Variants in PLA2G4A observed in about 807,000 individuals in gnomAD.
The protein encoded by PLA2G4A is phospholipase A2 group IVA.
PLA2G4A carries 40 observed loss-of-function variants against 81.9 expected under a neutral mutation model. The observed-to-expected ratio is 0.49, with a 90% confidence interval of 0.38 to 0.64. PLA2G4A has a LOEUF of 0.64. Among genes scored for constraint, PLA2G4A ranks in the 30% least tolerant of loss-of-function variants. The pLI, the probability that PLA2G4A is intolerant of heterozygous loss-of-function variation, is 0.00. For missense variants in PLA2G4A, 715 were observed against 905.1 expected, an observed-to-expected ratio of 0.79 and a Z score of 2.69; for synonymous variants, 302 against 296.9, an observed-to-expected ratio of 1.02 and a Z score of -0.18.
chr1:186,883,807 A>C (rs1653829724), intron 3 of PLA2G4A, among the ~76,000 whole-genome samples: 1 of 152,178 alleles, frequency 6.6e-6, no homozygotes, highest in African/African-American at 2.4e-5. Context: ...CATTGAAGTT[A>C]GGTTCGAGAG....
At chr1:186,870,281 G>A (rs755369225) in intron 2 of PLA2G4A, among the ~76,000 whole-genome samples, 154 bp from the exon 3 acceptor site, 40 of 152,318 alleles carry the variant, frequency 2.6e-4, no homozygotes, top group Middle Eastern at 3.4e-3. Context: ...TGATGAGAGA[G>A]AAGAGAGTCA....
intron 7 of PLA2G4A, among the ~76,000 whole-genome samples, chr1:186,929,304 C>A (rs536015929): frequency 2.0e-5 from 3 of 152,176 alleles, no homozygotes; most frequent in Non-Finnish European, 2.9e-5. Flanking sequence ...CAATGACTTC[C>A]TTTTGAGAGT....
chr1:186,946,518 G>A, intron 10 of PLA2G4A, 119 bp from the exon 11 acceptor site: 1 of 808,656 alleles, frequency 1.2e-6, no homozygotes, highest in Non-Finnish European at 2.1e-6. Flanking sequence ...TTTTCATTTT[G>A]ATATTTTAAA....
intron 3 of PLA2G4A, among the ~76,000 whole-genome samples, chr1:186,872,515 C>A (rs934619439): frequency 2.0e-5 from 3 of 151,934 alleles, no homozygotes; most frequent in African/African-American, 2.4e-5. Context: ...GCAATCCCCC[C>A]ACCCCTTTTT....
At chr1:186,875,337 G>A (rs1275119547) in intron 3 of PLA2G4A, among the ~76,000 whole-genome samples, 1 of 151,850 alleles carries the variant, frequency 6.6e-6, no homozygotes, top group East Asian at 1.9e-4. Context: ...CTTATAAAAG[G>A]ATGCTTAATT....
intron 12 of PLA2G4A, among the ~76,000 whole-genome samples, chr1:186,948,610 C>T (rs1656425516): frequency 6.6e-6 from 1 of 151,940 alleles, no homozygotes; most frequent in Admixed American, 6.6e-5. Context: ...CCAGGGTTTG[C>T]TGTTTTTTCT....
intron 1 of PLA2G4A, among the ~76,000 whole-genome samples, chr1:186,853,546 A>T (rs546808066): frequency 6.6e-6 from 1 of 151,950 alleles, no homozygotes; most frequent in Non-Finnish European, 1.5e-5. Flanking sequence ...AAGATATTTG[A>T]AAAGGTATTC....
chr1:186,844,320 A>C (rs530533058), intron 1 of PLA2G4A, among the ~76,000 whole-genome samples: 8 of 152,320 alleles, frequency 5.3e-5, no homozygotes, highest in African/African-American at 1.9e-4. Flanking sequence ...TTAGTTTACA[A>C]AAAAAGCACC....
intron 2 of PLA2G4A, among the ~76,000 whole-genome samples, chr1:186,858,189 T>C (rs1489787976): frequency 6.6e-6 from 1 of 152,176 alleles, no homozygotes; most frequent in African/African-American, 2.4e-5. Context: ...CACACTGTCT[T>C]CCACAATGGT....
chr1:186,978,731 C>G (rs1657617894), intron 16 of PLA2G4A, among the ~76,000 whole-genome samples: 1 of 152,094 alleles, frequency 6.6e-6, no homozygotes, highest in African/African-American at 2.4e-5. Flanking sequence ...TTTGGGTTCT[C>G]CCAGAAACTA....
At chr1:186,920,233 G>A (rs923344210) in intron 7 of PLA2G4A, among the ~76,000 whole-genome samples, 4 of 152,122 alleles carry the variant, frequency 2.6e-5, no homozygotes, top group Non-Finnish European at 5.9e-5. Context: ...GCCCTGTTTT[G>A]TAAAGGAGAT....
chr1:186,877,623 C>T (rs1653549681), intron 3 of PLA2G4A, among the ~76,000 whole-genome samples: 1 of 145,508 alleles, frequency 6.9e-6, no homozygotes, highest in Non-Finnish European at 1.5e-5. Context: ...GCTCCCTCAG[C>T]AGCTGTCTAG....
chr1:186,906,407 G>T (rs1295381997), intron 5 of PLA2G4A, among the ~76,000 whole-genome samples: 1 of 152,196 alleles, frequency 6.6e-6, no homozygotes, highest in Admixed American at 6.5e-5. Flanking sequence ...AGAGGCTCCA[G>T]ATCTCATTAG....
intron 8 of PLA2G4A, among the ~76,000 whole-genome samples, chr1:186,936,183 G>A (rs10798072): frequency 0.31 from 46,385 of 151,712 alleles, 9,626 homozygotes; most frequent in African/African-American, 0.58. Flanking sequence ...TATAAACAGT[G>A]TGGTCCAATT....
chr1:186,958,738 A>G (rs1432828783), intron 14 of PLA2G4A, among the ~76,000 whole-genome samples: 1 of 152,116 alleles, frequency 6.6e-6, no homozygotes, highest in African/African-American at 2.4e-5. Context: ...GTTTTACATT[A>G]TTACTTGGAT....
intron 13 of PLA2G4A, 23 bp downstream of exon 13, chr1:186,950,751 TG>T: frequency 7.3e-7 from 1 of 1,370,922 alleles, no homozygotes; most frequent in Non-Finnish European, 1.0e-6. Flanking sequence ...GAAACTTTTC[TG>T]GCCCAGATCC....
At chr1:186,962,721 C>T (rs1361556719) in intron 14 of PLA2G4A, among the ~76,000 whole-genome samples, 1 of 151,968 alleles carries the variant, frequency 6.6e-6, no homozygotes, top group Non-Finnish European at 1.5e-5. Flanking sequence ...GGGGTTTCAC[C>T]GTGTTAGTCA....
chr1:186,924,784 C>T (rs932314861), intron 7 of PLA2G4A, among the ~76,000 whole-genome samples: 3 of 152,130 alleles, frequency 2.0e-5, no homozygotes, highest in Admixed American at 1.3e-4. Context: ...CCAGGATTCT[C>T]AGTCAGGGTG....
chr1:186,923,734 G>A (rs1401016529), intron 7 of PLA2G4A, among the ~76,000 whole-genome samples: 3 of 152,206 alleles, frequency 2.0e-5, no homozygotes, highest in Non-Finnish European at 4.4e-5. Flanking sequence ...GAAGAAAAAG[G>A]AGGAAATTCA....
Sources: gnomAD v4.1 joint callset for allele counts (sites outside exome capture counted in the v4.1 genomes callset) on GRCh38, gnomAD v4.1.1 for gene constraint, MANE v1.5 for transcripts, NCBI Gene and HGNC (gene_info 2026-07-23, HGNC 2026-07-21) for gene names.